ADCY9: variants seen among roughly 807,000 people sequenced by gnomAD.
ADCY9 encodes the protein adenylate cyclase 9.
Under a neutral mutation model 101.5 loss-of-function variants are expected in ADCY9, and 50 were observed. The observed-to-expected ratio is 0.49, with a 90% CI of 0.39 to 0.62. ADCY9 has a LOEUF of 0.62. ADCY9 is among the 20% of genes least tolerant of loss of function. The probability of loss-of-function intolerance (pLI) is 0.00; values close to 1 mark genes in which losing one functional copy is unlikely to be tolerated. For missense variants in ADCY9, 1,662 were observed against 1,800.4 expected (o/e 0.92, Z 1.39); for synonymous variants, 905 against 769.3 (o/e 1.18, Z -2.92).
intron 2 of ADCY9, among the ~76,000 whole-genome samples, chr16:4,079,185 T>G (rs912415483): frequency 1.3e-5 from 2 of 152,168 alleles, no homozygotes. Flanking sequence ...CTGGAAACAA[T>G]CTACATTTCC....
chr16:4,101,438 C>G (rs1246417694), intron 2 of ADCY9, among the ~76,000 whole-genome samples: 1 of 152,112 alleles, frequency 6.6e-6, no homozygotes, highest in Non-Finnish European at 1.5e-5. Flanking sequence ...TGCCACCATG[C>G]ACGGCTAATT....
At chr16:4,043,014 G>A (rs1035089634) in intron 2 of ADCY9, among the ~76,000 whole-genome samples, 1 of 150,840 alleles carries the variant, frequency 6.6e-6, no homozygotes, top group Non-Finnish European at 1.5e-5. Flanking sequence ...GGCAGATCAC[G>A]AGGTCAGGAG....
chr16:4,054,665 G>A (rs1195826852), intron 2 of ADCY9, among the ~76,000 whole-genome samples: 1 of 151,970 alleles, frequency 6.6e-6, no homozygotes, highest in Non-Finnish European at 1.5e-5. Context: ...ACGCCTCCCG[G>A]GTTCAAGCAA....
chr16:4,047,576 C>A (rs1017727532), intron 2 of ADCY9, among the ~76,000 whole-genome samples: 1 of 152,034 alleles, frequency 6.6e-6, no homozygotes, highest in African/African-American at 2.4e-5. Flanking sequence ...CACTGGTATT[C>A]GTTCAAGATG....
intron 2 of ADCY9, among the ~76,000 whole-genome samples, chr16:4,057,328 C>T (rs1223977967): frequency 6.6e-6 from 1 of 151,874 alleles, no homozygotes. Flanking sequence ...ATTCACATAC[C>T]GTACAATTCA....
chr16:4,044,795 C>G lies in ADCY9; in HGVS notation c.1694-37237G>C, dbSNP rs562981961. On this transcript the variant is annotated intron_variant, in intron 2 of 10. Transcript: ENST00000294016. Reference sequence around the variant, plus strand: ...CTAAATCCCAGCAATTTTTCAGGACCTAGCTCTGAGGCCACATCAGCACTC... The same window carrying G: ...CTAAATCCCAGCAATTTTTCAGGACGTAGCTCTGAGGCCACATCAGCACTC... Among the ~76,000 whole-genome samples, 26 of 152,232 alleles carry G rather than the reference C, an allele frequency of 1.7e-4. 3 individuals are homozygous for G. The South Asian group carries it at 5.4e-3, about 32-fold the overall frequency.
intron 2 of ADCY9, among the ~76,000 whole-genome samples, chr16:4,057,933 C>A (rs2056750990): frequency 2.0e-5 from 3 of 150,756 alleles, no homozygotes; most frequent in Non-Finnish European, 4.4e-5. Context: ...CCAAGGTGGG[C>A]AGATCGCTTC....
chr16:4,098,259 G>A (rs1320883055), intron 2 of ADCY9, among the ~76,000 whole-genome samples: 2 of 146,898 alleles, frequency 1.4e-5, no homozygotes, highest in African/African-American at 2.5e-5. Flanking sequence ...TTTTTTTTTT[G>A]AGACAGAATC....
At position 3,983,402 on chromosome 16, in the gene ADCY9, G is replaced by A. The variant is rs1248270299; in HGVS notation, c.2349C>T (p.Pro783=). ...KNSPVKTFAS[P]TFSSLLDVFL... is the part of the protein sequence containing the mutation. ...ACACATCCAGGAGGGAGCTGAAGGT[G>A]GGACTAGCAAACGTCTTCACGGGGG... The change falls in exon 7 of 11, where the codon CCC becomes CCT. Residue 783 remains proline, a synonymous_variant. Transcript: ENST00000294016. 2 of 1,608,084 alleles carry A rather than the reference G, an allele frequency of 1.2e-6. No individual in the cohort carries two copies. The highest frequency in any genetic ancestry group is 1.7e-6 in the Non-Finnish European group (2 of 1,176,888).
intron 2 of ADCY9, among the ~76,000 whole-genome samples, chr16:4,109,234 G>GT (rs1031360051): frequency 4.0e-5 from 6 of 151,284 alleles, no homozygotes; most frequent in African/African-American, 1.5e-4. Flanking sequence ...TGAAGGCCTG[G>GT]TTTTTGTTTC....
intron 3 of ADCY9, among the ~76,000 whole-genome samples, chr16:4,002,475 TC>T (rs1164558428): frequency 1.3e-5 from 2 of 152,142 alleles, no homozygotes; most frequent in Non-Finnish European, 2.9e-5. Flanking sequence ...GCAGGACAGG[TC>T]CTCTCTGAAT....
rs188880861 is a variant in ADCY9, at chr16:4,088,889, G to A, written c.1693+24861C>T. On this transcript the variant is annotated intron_variant, in intron 2 of 10. Coordinates refer to ENST00000294016, the MANE Select transcript of ADCY9 (RefSeq NM_001116.4). ...AATTCAGGGAGGTTTCGCACACAGA[G>A]TTGTGCAACCATCACCATAGCCCAT... Among the ~76,000 whole-genome samples, 159 of 152,066 alleles carry A rather than the reference G, an allele frequency of 1.0e-3. 3 individuals are homozygous for A. In the Middle Eastern group the frequency reaches 0.02, roughly 20 times the overall value.
At chr16:4,008,259 C>T (rs1425512490) in intron 2 of ADCY9, among the ~76,000 whole-genome samples, 3 of 151,792 alleles carry the variant, frequency 2.0e-5, no homozygotes. Flanking sequence ...TTACAATTCT[C>T]CTTTGAGGCT....
At chr16:3,961,542 G>A (rs2055938425), downstream of ADCY9, among the ~76,000 whole-genome samples, 1 of 152,120 alleles carries the variant, frequency 6.6e-6, no homozygotes, top group Non-Finnish European at 1.5e-5. Context: ...TGACCAGGGA[G>A]GCCTGCAGTG....
intron 3 of ADCY9, among the ~76,000 whole-genome samples, chr16:4,000,968 T>TCTACAC (rs1555508135): frequency 1.6e-5 from 2 of 125,258 alleles, no homozygotes; most frequent in African/African-American, 2.9e-5. Context: ...TCCCTCTCTC[T>TCTACAC]ACACACACAC....
intron 2 of ADCY9, among the ~76,000 whole-genome samples, chr16:4,110,761 G>A (rs962168341): frequency 1.1e-4 from 16 of 152,152 alleles, no homozygotes; most frequent in African/African-American, 3.6e-4. Context: ...GGAAAAGGGT[G>A]GTGGCTTTTG....
At chr16:4,075,954 G>A (rs1026614113) in intron 2 of ADCY9, among the ~76,000 whole-genome samples, 2 of 152,156 alleles carry the variant, frequency 1.3e-5, no homozygotes, top group Non-Finnish European at 2.9e-5. Context: ...GAAATGCATC[G>A]CTGTTATTTC....
At chr16:3,986,119 T>G (rs547379606) in intron 6 of ADCY9, among the ~76,000 whole-genome samples, 1 of 152,354 alleles carries the variant, frequency 6.6e-6, no homozygotes, top group East Asian at 1.9e-4. Context: ...CCGGGCTGTC[T>G]GGGCTCAAGG....
intron 2 of ADCY9, among the ~76,000 whole-genome samples, chr16:4,093,643 G>C (rs2056986469): frequency 6.6e-6 from 1 of 152,132 alleles, no homozygotes; most frequent in African/African-American, 2.4e-5. Flanking sequence ...TGCAGTCCCA[G>C]CTACTCAGGA....
Sources: allele counts gnomAD v4.1 joint callset (sites outside exome capture counted in the v4.1 genomes callset), GRCh38; gene constraint gnomAD v4.1.1; transcripts MANE v1.5; gene names NCBI Gene and HGNC (gene_info 2026-07-23, HGNC 2026-07-21).